SND1: variants seen among roughly 807,000 people sequenced by gnomAD.
SND1 encodes the protein staphylococcal nuclease domain-containing protein 1.
Under a neutral mutation model 121.7 loss-of-function variants are expected in SND1, and 38 were observed. The observed-to-expected ratio is 0.31, with a 90% CI of 0.24 to 0.41. The LOEUF is 0.41. Among genes scored for constraint, SND1 ranks in the 10% least tolerant of loss-of-function variants. The pLI is 1.00. For missense variants in SND1, 868 were observed against 1,184.6 expected, an observed-to-expected ratio of 0.73 and a Z score of 3.92; for synonymous variants, 401 against 447.4, an observed-to-expected ratio of 0.90 and a Z score of 1.31.
chr7:127,689,735 A>C (rs1795878366), intron 2 of SND1, among the ~76,000 whole-genome samples: 1 of 152,118 alleles, frequency 6.6e-6, no homozygotes, highest in Non-Finnish European at 1.5e-5. Context: ...CTGTGAGATG[A>C]AATATTTGAT....
intron 10 of SND1, among the ~76,000 whole-genome samples, chr7:127,747,073 A>G (rs1003650660): frequency 6.6e-6 from 1 of 152,138 alleles, no homozygotes; most frequent in Non-Finnish European, 1.5e-5. Context: ...CATGCATGAG[A>G]TGTTTTGCTT....
chr7:127,965,105 T>G (rs1353387495), intron 15 of SND1, among the ~76,000 whole-genome samples: 1 of 17,402 alleles, frequency 5.7e-5, no homozygotes, highest in East Asian at 7.2e-4. Context: ...ACATTGATTT[T>G]GTATCCTGAG....
chr7:128,050,969 G>T (rs896724560), intron 16 of SND1, among the ~76,000 whole-genome samples: 4 of 152,172 alleles, frequency 2.6e-5, no homozygotes, highest in African/African-American at 7.2e-5. Context: ...CAAATCCACC[G>T]CTGGGCCCAT....
intron 13 of SND1, among the ~76,000 whole-genome samples, chr7:127,900,301 G>C (rs927386885): frequency 2.6e-5 from 4 of 152,134 alleles, no homozygotes; most frequent in Admixed American, 6.5e-5. Flanking sequence ...AAAAATATTT[G>C]TTCAGAATAA....
intron 22 of SND1, chr7:128,089,953 A>T (rs1041403875): frequency 2.2e-6 from 1 of 459,210 alleles, no homozygotes; most frequent in Non-Finnish European, 4.0e-6. Context: ...CCCCCAGGTG[A>T]CAGGCGAGAA....
At chr7:128,032,152 T>G (rs2116991813) in intron 16 of SND1, 1 of 151,894 alleles carries the variant, frequency 6.6e-6, no homozygotes, top group East Asian at 2.0e-4. Flanking sequence ...CGTGATGCAG[T>G]GCTCTTATGT....
intron 9 of SND1, among the ~76,000 whole-genome samples, chr7:127,711,885 A>G (rs1214266695): frequency 1.3e-5 from 2 of 151,832 alleles, no homozygotes; most frequent in Admixed American, 6.6e-5. Flanking sequence ...TATTTTAAAA[A>G]ATAAAGTTTT....
rs76745348 is a variant in SND1 at position 128,053,352 on chromosome 7, G to T, written c.1780-21150G>T. ...CACTCCAGCACTTCCATTTCCCAAG[G>T]CTTTGGGCACTTAAGTGGAGAATTG... is the stretch of plus-strand genomic sequence containing the variant. On this transcript the variant is annotated intron_variant, in intron 16 of 23. Coordinates refer to ENST00000354725, the MANE Select transcript of SND1 (RefSeq NM_014390.4). 5.1e-3 allele frequency among the ~76,000 whole-genome samples: 782 copies of T among 152,258 alleles called. 5 individuals are homozygous for T. Among genetic ancestry groups the T allele is most frequent in the African/African-American group, 0.018 (754 of 41,550 alleles).
At chr7:127,863,031 G>A (rs1799407791) in intron 12 of SND1, among the ~76,000 whole-genome samples, 3 of 152,120 alleles carry the variant, frequency 2.0e-5, no homozygotes, top group Admixed American at 2.0e-4. Context: ...GACATCGATA[G>A]GACTATCTAG....
chr7:127,706,005 T>C (rs766159355), intron 8 of SND1, among the ~76,000 whole-genome samples: 7 of 152,220 alleles, frequency 4.6e-5, no homozygotes, highest in Non-Finnish European at 8.8e-5. Flanking sequence ...TCTAGGCCAT[T>C]TGATGTGGCA....
At chr7:127,972,542 C>T (rs750519503) in intron 15 of SND1, among the ~76,000 whole-genome samples, 1 of 152,122 alleles carries the variant, frequency 6.6e-6, no homozygotes, top group Non-Finnish European at 1.5e-5. Context: ...CAGGTGTGAG[C>T]CACAGCACCT....
intron 1 of SND1, among the ~76,000 whole-genome samples, chr7:127,657,813 TAG>T (rs1795237679): frequency 1.3e-5 from 2 of 152,226 alleles, no homozygotes; most frequent in African/African-American, 4.8e-5. Context: ...ATTTATTCTT[TAG>T]AGTTTTTATA....
chr7:127,667,674 C>T (rs1795443812), intron 1 of SND1, among the ~76,000 whole-genome samples: 2 of 152,156 alleles, frequency 1.3e-5, no homozygotes. Flanking sequence ...TCTGGTAGTG[C>T]CCAAACTAAA....
intron 16 of SND1, among the ~76,000 whole-genome samples, chr7:128,065,179 T>TA (rs1224998193): frequency 8.5e-5 from 13 of 152,228 alleles, no homozygotes; most frequent in Non-Finnish European, 1.8e-4. Context: ...TGGAAATGGG[T>TA]ACCTGAGGAA....
chr7:127,998,482 C>G (rs1052805103), intron 16 of SND1: 1 of 155,532 alleles, frequency 6.4e-6, no homozygotes, highest in East Asian at 1.9e-4. Flanking sequence ...CTGCAAATCT[C>G]TCCCTCTCTG....
chr7:128,029,502 G>GACAT lies in SND1; in HGVS notation c.1779+38448_1779+38451dup. The GACAT allele has an allele frequency of 6.2e-7, 1 of 1,614,098 alleles. No individual in the cohort carries two copies. The highest frequency in any genetic ancestry group is 8.5e-7 in the Non-Finnish European group (1 of 1,180,028). ...ATTGGGCAGCAACCACTTCACGGAG[G>GACAT]ACATAGGGGGAGTCCGACACTTAAG... On this transcript the variant is annotated intron_variant, in intron 16 of 23. Transcript: ENST00000354725. The surrounding 1 kb of genome is among the most constrained non-coding windows in gnomAD (Gnocchi z 4.2).
chr7:127,897,375 C>A (rs1433997718), intron 13 of SND1, among the ~76,000 whole-genome samples: 3 of 152,244 alleles, frequency 2.0e-5, no homozygotes, highest in African/African-American at 7.2e-5. Flanking sequence ...TTTTCTGTAA[C>A]TGATGTGTTT....
In SND1 at chr7:128,074,534, C is replaced by T. The variant is rs759234078; in HGVS notation, c.1812C>T (p.Ala604=). Residue 604 remains alanine, a synonymous_variant, in exon 17 of 24, where the codon GCC becomes GCT. Coordinates refer to ENST00000354725, the MANE Select transcript of SND1 (RefSeq NM_014390.4). ...TGGAGGTGGAGAGCATGGACAAGGC[C>T]GGCAACTTTATCGGCTGGCTGCACA... ...VEVEVESMDK[A]GNFIGWLHID... 27 of 1,613,374 alleles carry T rather than the reference C, an allele frequency of 1.7e-5. No homozygotes were observed. In the Admixed American group the frequency reaches 3.2e-4, roughly 19 times the overall value.
chr7:127,878,278 C>T (rs547427762), intron 12 of SND1, among the ~76,000 whole-genome samples: 1 of 152,278 alleles, frequency 6.6e-6, no homozygotes, highest in East Asian at 1.9e-4. Flanking sequence ...CGATCACAGA[C>T]CTGTACATAC....
Sources: gnomAD v4.1 joint callset for allele counts (sites outside exome capture counted in the v4.1 genomes callset) on GRCh38, gnomAD v4.1.1 for gene constraint, Gnocchi (gnomAD v3.1) non-coding constraint, MANE v1.5 for transcripts, NCBI Gene and HGNC (gene_info 2026-07-23, HGNC 2026-07-21) for gene names.